The following PTPRD variants were observed in gnomAD, a reference collection of about 807,000 sequenced individuals.
PTPRD encodes protein tyrosine phosphatase receptor type D.
PTPRD carries 34 observed loss-of-function variants against 214.5 expected under a neutral mutation model. That is an observed-to-expected ratio of 0.16 (90% CI 0.12 to 0.21). The LOEUF (loss-of-function observed/expected upper bound fraction) is 0.21. Ranked by LOEUF, PTPRD falls within the 10% of genes least tolerant of loss-of-function variation. The probability of loss-of-function intolerance (pLI) is 1.00; values close to 1 mark genes in which losing one functional copy is unlikely to be tolerated. For missense variants in PTPRD, 2,545 were observed against 2,398.7 expected, an observed-to-expected ratio of 1.06 and a Z score of -1.27; for synonymous variants, 1,128 against 845.7, an observed-to-expected ratio of 1.33 and a Z score of -5.79.
At chr9:8,402,785 G>T (rs2092570973) in intron 36 of PTPRD, among the ~76,000 whole-genome samples, 1 of 151,712 alleles carries the variant, frequency 6.6e-6, no homozygotes, top group Non-Finnish European at 1.5e-5. Flanking sequence ...TTTTTAAACA[G>T]AATTTGAAAA....
chr9:9,822,074 T>A (rs2050950488), intron 5 of PTPRD, among the ~76,000 whole-genome samples: 2 of 151,818 alleles, frequency 1.3e-5, no homozygotes, highest in Admixed American at 1.3e-4. Flanking sequence ...TCATTATAAC[T>A]GTAAATTTAT....
intron 3 of PTPRD, among the ~76,000 whole-genome samples, chr9:10,199,699 A>G (rs1246976499): frequency 1.3e-5 from 2 of 152,002 alleles, no homozygotes; most frequent in African/African-American, 2.4e-5. Context: ...TAAGACACAA[A>G]ACCAGGAAGG....
chr9:10,105,837 T>A (rs1048436976), intron 3 of PTPRD, among the ~76,000 whole-genome samples: 1 of 151,524 alleles, frequency 6.6e-6, no homozygotes, highest in Non-Finnish European at 1.5e-5. Flanking sequence ...TCAGGACCCC[T>A]GCAATAGGGA....
At chr9:9,304,823 A>G (rs1267079674) in intron 9 of PTPRD, among the ~76,000 whole-genome samples, 1 of 151,140 alleles carries the variant, frequency 6.6e-6, no homozygotes, top group African/African-American at 2.4e-5. Flanking sequence ...GTTTCTGTTT[A>G]ATCTCCACCC....
At chr9:10,108,302 G>A (rs535339093) in intron 3 of PTPRD, among the ~76,000 whole-genome samples, 8 of 152,038 alleles carry the variant, frequency 5.3e-5, no homozygotes, top group African/African-American at 1.2e-4. Flanking sequence ...CTTCACAAAC[G>A]TATTTTTTTT....
chr9:8,353,988 C>T (rs1213088405), intron 39 of PTPRD, among the ~76,000 whole-genome samples: 3 of 125,608 alleles, frequency 2.4e-5, no homozygotes, highest in Non-Finnish European at 4.7e-5. Context: ...GAGAAGGAGT[C>T]TCACTCTGTT....
intron 3 of PTPRD, among the ~76,000 whole-genome samples, chr9:10,140,443 A>G (rs1047182486): frequency 1.3e-5 from 2 of 152,064 alleles, no homozygotes; most frequent in African/African-American, 4.8e-5. Flanking sequence ...CAGAAATACA[A>G]ACTACCATCA....
At chr9:8,360,627 T>G (rs1015867756) in intron 39 of PTPRD, among the ~76,000 whole-genome samples, 1 of 152,210 alleles carries the variant, frequency 6.6e-6, no homozygotes, top group African/African-American at 2.4e-5. Flanking sequence ...ACAGTGAAGT[T>G]GTAATAAATA....
intron 12 of PTPRD, among the ~76,000 whole-genome samples, chr9:8,660,613 C>G (rs1170803957): frequency 2.0e-5 from 3 of 152,136 alleles, no homozygotes; most frequent in African/African-American, 2.4e-5. Flanking sequence ...TTGACCCTGG[C>G]AGACTGCCAT....
chr9:8,852,607 G>A (rs1243953405), intron 11 of PTPRD, among the ~76,000 whole-genome samples: 1 of 152,202 alleles, frequency 6.6e-6, no homozygotes, highest in Non-Finnish European at 1.5e-5. Flanking sequence ...AATACTACTT[G>A]CCTGCTGGTA....
chr9:8,408,347 G>A (rs550767838), intron 35 of PTPRD, among the ~76,000 whole-genome samples: 1 of 152,180 alleles, frequency 6.6e-6, no homozygotes, highest in African/African-American at 2.4e-5. Flanking sequence ...TGCTGTTAGT[G>A]TTTGGTTTTC....
chr9:10,383,473 G>A (rs777119513), intron 2 of PTPRD, among the ~76,000 whole-genome samples: 3 of 151,892 alleles, frequency 2.0e-5, no homozygotes, highest in Non-Finnish European at 4.4e-5. Context: ...TGGAACTAAT[G>A]TGGTTGATAA....
rs73426355 is a variant in PTPRD, at chr9:8,486,061, G to C, written c.2756C>G (p.Thr919Ser). ...TGAGTGAAGGTTTTGAGGGAATCCAGTTGGTACTTCTTCTGGAATGGAAAT... is the reference window on the plus strand; with the variant it reads ...TGAGTGAAGGTTTTGAGGGAATCCACTTGGTACTTCTTCTGGAATGGAAAT... ...KEISIPEEVP[T>S]GFPQNLHSEG... The change falls in exon 28 of 46, where the codon ACT becomes AGT. Residue 919 changes from threonine to serine, a missense_variant. By Grantham distance (58) the Thr-to-Ser change is moderately conservative. Coordinates refer to ENST00000381196, the MANE Select transcript of PTPRD (RefSeq NM_002839.4). 3 of 1,614,224 alleles carry C rather than the reference G, an allele frequency of 1.9e-6. No individual in the cohort carries two copies. Among genetic ancestry groups the C allele is most frequent in the Non-Finnish European group, 2.5e-6 (3 of 1,180,036 alleles).
chr9:8,922,193 G>GT (rs565595682), intron 11 of PTPRD, among the ~76,000 whole-genome samples: 25 of 151,848 alleles, frequency 1.6e-4, no homozygotes, highest in Admixed American at 9.2e-4. Context: ...TCTTGACTTT[G>GT]TTTTTTTTCT....
chr9:10,185,248 A>G (rs973821515), intron 3 of PTPRD, among the ~76,000 whole-genome samples: 18 of 152,186 alleles, frequency 1.2e-4, no homozygotes, highest in Admixed American at 3.9e-4. Flanking sequence ...AGAGTACAAA[A>G]GCGGGTTTTC....
chr9:8,662,844 C>T (rs1337677214), intron 12 of PTPRD, among the ~76,000 whole-genome samples: 3 of 152,078 alleles, frequency 2.0e-5, no homozygotes, highest in African/African-American at 7.2e-5. Context: ...CTGTGGCACA[C>T]ACATTTACCT....
chr9:9,184,415 C>T (rs1354664231), intron 9 of PTPRD, among the ~76,000 whole-genome samples: 1 of 151,926 alleles, frequency 6.6e-6, no homozygotes. Context: ...AGGTTAAATC[C>T]CTAAGGACCT....
rs544399939 is a variant in PTPRD, at chr9:8,318,737, C to G, written c.5671-795G>C. Among the ~76,000 whole-genome samples the G allele has an allele frequency of 5.9e-5, 9 of 152,070 alleles. No homozygotes were observed. In the East Asian group the frequency reaches 1.7e-3, roughly 29 times the overall value. On this transcript the variant is annotated intron_variant, in intron 45 of 45. Coordinates refer to ENST00000381196, the MANE Select transcript of PTPRD (RefSeq NM_002839.4). ...TAGAGAGGCACACACTAAAAAAAAG[C>G]AGTATGAAGCATGGCCTTTTTCAGA... is the stretch of plus-strand genomic sequence containing the variant.
At chr9:8,813,497 G>T (rs10815954) in intron 11 of PTPRD, among the ~76,000 whole-genome samples, 24,053 of 151,938 alleles carry the variant, frequency 0.16, 1,970 homozygotes, top group Middle Eastern at 0.28. Flanking sequence ...CAGCCTCCTC[G>T]GTACTTGTGA....
Sources: gnomAD v4.1 joint callset for allele counts (sites outside exome capture counted in the v4.1 genomes callset) on GRCh38, gnomAD v4.1.1 for gene constraint, MANE v1.5 for transcripts, NCBI Gene and HGNC (gene_info 2026-07-23, HGNC 2026-07-21) for gene names.